Variants in INPP5F observed in about 807,000 individuals in gnomAD.
INPP5F encodes inositol polyphosphate-5-phosphatase F, also known as phosphatidylinositide 4-phosphatase SAC2.
Under a neutral mutation model 137.2 loss-of-function variants are expected in INPP5F, and 97 were observed. That is an observed-to-expected ratio of 0.71 (90% CI 0.60 to 0.84). The LOEUF (loss-of-function observed/expected upper bound fraction) is 0.84. INPP5F is among the 40% of genes least tolerant of loss of function. INPP5F has a pLI of 0.00. For synonymous variants in INPP5F, 504 were observed against 476.9 expected (o/e 1.06, Z -0.74); for missense variants, 1,271 against 1,371.9 (o/e 0.93, Z 1.16).
chr10:119,826,686 T>A lies in INPP5F; in HGVS notation c.2305T>A (p.Ser769Thr). 1 of 1,611,486 alleles carries A rather than the reference T, an allele frequency of 6.2e-7. No individual in the cohort carries two copies. Among genetic ancestry groups the A allele is most frequent in the Non-Finnish European group, 8.5e-7 (1 of 1,179,430 alleles). Reference sequence around the variant, plus strand: ...TGGTATCAGGTCTCAAAACCAAGGTTCTTTGGCCCAGGGAAAGAATTTTTT... The same window carrying A: ...TGGTATCAGGTCTCAAAACCAAGGTACTTTGGCCCAGGGAAAGAATTTTTT... ...IIGIRSQNQG[S>T]LAQGKNFLMS... The change falls in exon 20 of 20, where the codon TCT becomes ACT. Residue 769 changes from serine to threonine, a missense_variant. Ser to Thr is a moderately conservative substitution (Grantham distance 58). This residue lies in a region of INPP5F where 490 missense variants were observed against 443.7 expected (regional missense o/e 1.10). Coordinates refer to ENST00000650623, the MANE Select transcript of INPP5F (RefSeq NM_014937.4).
chr10:119,757,951 C>T (rs900494389), intron 2 of INPP5F, among the ~76,000 whole-genome samples: 3 of 152,166 alleles, frequency 2.0e-5, no homozygotes, highest in Admixed American at 6.5e-5. Flanking sequence ...TGTGCTGGCC[C>T]ACTGCAGGGC....
At chr10:119,746,418 G>C (rs1163014291) in intron 1 of INPP5F, among the ~76,000 whole-genome samples, 4 of 152,116 alleles carry the variant, frequency 2.6e-5, no homozygotes, top group Non-Finnish European at 5.9e-5. Context: ...TAGGGTTCTG[G>C]GTAGCTGGAG....
At chr10:119,813,340 G>A (rs966524672) in intron 15 of INPP5F, among the ~76,000 whole-genome samples, 1 of 152,064 alleles carries the variant, frequency 6.6e-6, no homozygotes, top group Non-Finnish European at 1.5e-5. Flanking sequence ...CTTATTTCTG[G>A]CAATTATATT....
intron 1 of INPP5F, among the ~76,000 whole-genome samples, chr10:119,742,129 A>G (rs1251160237): frequency 6.8e-6 from 1 of 146,720 alleles, no homozygotes; most frequent in East Asian, 2.0e-4. Flanking sequence ...CGGCCCGACG[A>G]CAGCTTTTTA....
chr10:119,794,242 A>G (rs1399462570), intron 6 of INPP5F, among the ~76,000 whole-genome samples: 2 of 152,034 alleles, frequency 1.3e-5, no homozygotes, highest in South Asian at 4.2e-4. Flanking sequence ...GCTGCCTTCA[A>G]GCATCTGTTT....
chr10:119,739,288 T>G (rs1848305616), intron 1 of INPP5F, among the ~76,000 whole-genome samples: 1 of 152,164 alleles, frequency 6.6e-6, no homozygotes, highest in South Asian at 2.1e-4. Flanking sequence ...CTTTTATTAT[T>G]AAAAGCACCT....
intron 1 of INPP5F, among the ~76,000 whole-genome samples, chr10:119,744,855 G>A (rs939112885): frequency 3.9e-5 from 6 of 152,084 alleles, no homozygotes; most frequent in African/African-American, 1.2e-4. Context: ...CCCTCCTCTC[G>A]TTCTTAAATC....
At chr10:119,809,493 C>CGCA (rs1287445564) in intron 13 of INPP5F, among the ~76,000 whole-genome samples, 1 of 152,156 alleles carries the variant, frequency 6.6e-6, no homozygotes, top group Non-Finnish European at 1.5e-5. Context: ...CTACACCTTC[C>CGCA]TTGCCTTAAG....
rs368880258 is a variant in INPP5F at position 119,794,594 on chromosome 10, G to A, written c.670-2121G>A. ...GGGCTCCTCACTTTCCAGTAGGGGC[G>A]GCCGGGCAAAGGCGCCCCTCACCTC... On this transcript the variant is annotated intron_variant, in intron 6 of 19. Coordinates refer to ENST00000650623, the MANE Select transcript of INPP5F (RefSeq NM_014937.4). 5.4e-4 allele frequency among the ~76,000 whole-genome samples: 82 copies of A among 151,588 alleles called. No homozygotes were observed. The East Asian group carries it at 0.014, about 27-fold the overall frequency.
intron 16 of INPP5F, among the ~76,000 whole-genome samples, chr10:119,821,962 G>A (rs922811779): frequency 2.7e-5 from 4 of 145,976 alleles, no homozygotes; most frequent in African/African-American, 1.0e-4. Context: ...TCCGCCTCTC[G>A]GGTTCAAGTG....
intron 2 of INPP5F, among the ~76,000 whole-genome samples, chr10:119,760,695 A>G (rs2134140746): frequency 6.6e-6 from 1 of 152,370 alleles, no homozygotes; most frequent in South Asian, 2.1e-4. Context: ...ATTGACAGCA[A>G]AAAATGAAGG....
intron 4 of INPP5F, 87 bp downstream of exon 4, chr10:119,791,732 T>TA: frequency 7.1e-7 from 1 of 1,402,294 alleles, no homozygotes; most frequent in East Asian, 2.3e-5. Flanking sequence ...AATTTATTTT[T>TA]AAACCATTTG....
intron 2 of INPP5F, among the ~76,000 whole-genome samples, chr10:119,769,549 T>C (rs1453589948): frequency 6.6e-6 from 1 of 152,196 alleles, no homozygotes; most frequent in Non-Finnish European, 1.5e-5. Context: ...GCGTTTTGAG[T>C]TGGTGGACCG....
intron 8 of INPP5F, 29 bp from the exon 9 acceptor site, chr10:119,798,514 A>G (rs965254622): frequency 6.4e-7 from 1 of 1,568,720 alleles, no homozygotes; most frequent in East Asian, 2.3e-5. Context: ...ATGGGAAGGA[A>G]AAAAAGATTT....
chr10:119,825,039 A>C (rs1216913923), intron 19 of INPP5F, among the ~76,000 whole-genome samples: 2 of 152,066 alleles, frequency 1.3e-5, no homozygotes, highest in Non-Finnish European at 2.9e-5. Context: ...TGGAAAACAT[A>C]CTCCTTTACT....
At chr10:119,750,006 C>T (rs976665852) in intron 1 of INPP5F, among the ~76,000 whole-genome samples, 6 of 151,872 alleles carry the variant, frequency 4.0e-5, no homozygotes, top group African/African-American at 1.2e-4. Context: ...TGACCTCAGG[C>T]GATCTACCCT....
At chr10:119,730,833 G>A (rs1163627640) in intron 1 of INPP5F, among the ~76,000 whole-genome samples, 1 of 151,666 alleles carries the variant, frequency 6.6e-6, no homozygotes, top group Non-Finnish European at 1.5e-5. Context: ...CTGTTGCCAG[G>A]CTGGAGTGCA....
intron 3 of INPP5F, among the ~76,000 whole-genome samples, chr10:119,785,286 G>GTTTTTTTTTTTGTTTTTTTTTTTTTT (rs1849847237): frequency 9.4e-6 from 1 of 106,228 alleles, no homozygotes; most frequent in East Asian, 2.6e-4. Context: ...CTGCCAGACT[G>GTTTTTTTTTTTGTTTTTTTTTTTTTT]TTTTTTTTTT....
Position 119,781,619 on chromosome 10 carries a change from G to A in INPP5F, c.179-16G>A. The A allele has an allele frequency of 1.3e-6, 2 of 1,594,642 alleles. No individual in the cohort carries two copies. The highest frequency in any genetic ancestry group is 1.7e-6 in the Non-Finnish European group (2 of 1,167,930). ...CTCTAAAAACGCCAGACTTTATTATGACTCTCCTCTTTCAGATCTTCCATG... is the reference window on the plus strand; with the variant it reads ...CTCTAAAAACGCCAGACTTTATTATAACTCTCCTCTTTCAGATCTTCCATG... On this transcript the variant is annotated splice_polypyrimidine_tract_variant and intron_variant, in intron 2 of 19. Coordinates refer to ENST00000650623, the MANE Select transcript of INPP5F (RefSeq NM_014937.4).
Sources: allele counts gnomAD v4.1 joint callset (sites outside exome capture counted in the v4.1 genomes callset), GRCh38; gene constraint gnomAD v4.1.1; regional missense constraint gnomAD v4.1.1; transcripts MANE v1.5; gene names NCBI Gene and HGNC (gene_info 2026-07-23, HGNC 2026-07-21).